NFASC: variants seen among roughly 807,000 people sequenced by gnomAD.
The protein encoded by NFASC is neurofascin.
Under a neutral mutation model 147.5 loss-of-function variants are expected in NFASC, and 43 were observed. The observed-to-expected ratio is 0.29, with a 90% CI of 0.23 to 0.38. The LOEUF is 0.38. Among genes scored for constraint, NFASC ranks in the 10% least tolerant of loss-of-function variants. The pLI is 1.00. For missense variants in NFASC, 1,320 were observed against 1,689.0 expected, an observed-to-expected ratio of 0.78 and a Z score of 3.83; for synonymous variants, 622 against 665.5, an observed-to-expected ratio of 0.93 and a Z score of 1.01.
intron 7 of NFASC, among the ~76,000 whole-genome samples, chr1:204,956,320 C>T (rs899203759): frequency 1.3e-5 from 2 of 152,234 alleles, no homozygotes; most frequent in African/African-American, 4.8e-5. Context: ...CTTTCCCTGG[C>T]ACCCAGTCCC....
At chr1:204,977,024 T>C in intron 16 of NFASC, 1 of 1,299,478 alleles carries the variant, frequency 7.7e-7, no homozygotes, top group South Asian at 2.5e-5. Context: ...TCCCCACGTC[T>C]CAACTGAAAG....
Position 204,954,728 on chromosome 1 carries a change from C to T in NFASC, c.413-101C>T. The T allele has an allele frequency of 1.5e-6, 2 of 1,369,288 alleles. No homozygotes were observed. The highest frequency in any genetic ancestry group is 2.0e-6 in the Non-Finnish European group (2 of 980,230). 84.8% of individuals were successfully genotyped at this position (1,369,288 alleles called of 1,614,324 possible). On this transcript the variant is annotated intron_variant, in intron 6 of 29. Transcript: ENST00000339876. The surrounding 1 kb of genome is among the most constrained non-coding windows in gnomAD (Gnocchi z 5.7). ...TCTTGCTCCCTCCTTCTCCAGGTGC[C>T]CCTTCTGTTTCTCCTCCTTGCATGC...
intron 1 of NFASC, among the ~76,000 whole-genome samples, chr1:204,843,346 G>A (rs1339545926): frequency 6.6e-6 from 1 of 152,168 alleles, no homozygotes. Flanking sequence ...GAGATCCTAT[G>A]TACCTTTATG....
chr1:204,905,851 C>G (rs902096596), intron 1 of NFASC, among the ~76,000 whole-genome samples: 1 of 152,124 alleles, frequency 6.6e-6, no homozygotes, highest in African/African-American at 2.4e-5. Flanking sequence ...CAAAACTTTT[C>G]GCAAAGTGGT....
intron 1 of NFASC, among the ~76,000 whole-genome samples, chr1:204,834,531 C>T (rs1457742667): frequency 6.6e-6 from 1 of 152,186 alleles, no homozygotes. Flanking sequence ...TCACCTGCTC[C>T]TCCTCACTCC....
At chr1:204,944,472 G>GGGGGGA in intron 3 of NFASC, 66 bp downstream of exon 3, 3 of 402,574 alleles carry the variant, frequency 7.5e-6, no homozygotes, top group East Asian at 6.4e-5. Flanking sequence ...GGAGGGGAGG[G>GGGGGGA]AAGGTCAGAG....
intron 2 of NFASC, among the ~76,000 whole-genome samples, chr1:204,933,966 T>C (rs1411726129): frequency 5.3e-5 from 8 of 151,750 alleles, no homozygotes; most frequent in Non-Finnish European, 1.2e-4. Context: ...GGTGAAACCT[T>C]GTCTCTACTA....
chr1:204,883,771 TCCATAGTCTGG>T (rs771633904), intron 1 of NFASC, among the ~76,000 whole-genome samples: 230 of 152,276 alleles, frequency 1.5e-3, no homozygotes, highest in Middle Eastern at 0.01. Flanking sequence ...CAGGGCAGCT[TCCATAGTCTGG>T]CCATAGAACC....
intron 2 of NFASC, among the ~76,000 whole-genome samples, chr1:204,943,684 A>T (rs1573467773): frequency 6.6e-6 from 1 of 152,336 alleles, no homozygotes; most frequent in Admixed American, 6.5e-5. Flanking sequence ...ATCAAAGGAC[A>T]TCAGTGCGAT....
Position 205,002,604 on chromosome 1 carries a change from A to G in NFASC, c.3145A>G (p.Thr1049Ala). Residue 1049 changes from threonine (T) to alanine (A), a missense_variant, in exon 27 of 30, where the codon ACG becomes GCG. Thr to Ala is a moderately conservative substitution (Grantham distance 58). This residue lies in a region of NFASC where 172 missense variants were observed against 165.8 expected (regional missense o/e 1.04). Coordinates refer to ENST00000339876, the MANE Select transcript of NFASC (RefSeq NM_001005388.3). ...FVVEYIDSNH[T>A]KKTVPVKAQA... ...AGGTTTCTGTTCCCCAGGCAACCAT[A>G]CGAAAAAAACTGTCCCAGTTAAGGC... The G allele has an allele frequency of 4.0e-6, 6 of 1,518,202 alleles. No homozygotes were observed. Among genetic ancestry groups the G allele is most frequent in the Non-Finnish European group, 5.4e-6 (6 of 1,116,540 alleles). 94.0% of individuals were successfully genotyped at this position (1,518,202 alleles called of 1,614,324 possible).
intron 1 of NFASC, among the ~76,000 whole-genome samples, chr1:204,920,431 T>A (rs1319686773): frequency 7.1e-6 from 1 of 141,192 alleles, no homozygotes; most frequent in Admixed American, 7.8e-5. Context: ...TCTGTCCTTT[T>A]TTTTTTTTTT....
chr1:204,844,445 A>G (rs1330225700), intron 1 of NFASC, among the ~76,000 whole-genome samples: 1 of 152,210 alleles, frequency 6.6e-6, no homozygotes, highest in Non-Finnish European at 1.5e-5. Context: ...TGAGCCTCAA[A>G]TAAGTGCTTA....
At chr1:204,851,732 A>T (rs576571143) in intron 1 of NFASC, among the ~76,000 whole-genome samples, 3 of 152,358 alleles carry the variant, frequency 2.0e-5, no homozygotes, top group Non-Finnish European at 4.4e-5. Context: ...TGCATATAAC[A>T]ATCAACATTA....
intron 1 of NFASC, among the ~76,000 whole-genome samples, chr1:204,834,197 G>A (rs1036382535): frequency 6.9e-5 from 10 of 145,714 alleles, no homozygotes; most frequent in African/African-American, 2.3e-4. Flanking sequence ...GGTCCATGCC[G>A]CAAAGTCTTA....
chr1:204,961,816 C>G (rs771444952), intron 8 of NFASC, among the ~76,000 whole-genome samples: 13 of 152,204 alleles, frequency 8.5e-5, no homozygotes, highest in Non-Finnish European at 4.4e-5. Context: ...ATAGCAGGAC[C>G]AATTAATTAA....
intron 27 of NFASC, chr1:205,008,376 T>C (rs1396807095): frequency 6.5e-6 from 1 of 152,740 alleles, no homozygotes; most frequent in Non-Finnish European, 1.5e-5. Flanking sequence ...GCTCAGTGCC[T>C]TGGCGCCAGC....
intron 8 of NFASC, among the ~76,000 whole-genome samples, chr1:204,959,645 C>T (rs144200716): frequency 4.6e-4 from 70 of 152,342 alleles, no homozygotes; most frequent in Non-Finnish European, 8.1e-4. Flanking sequence ...GCCCAGACGA[C>T]GCTAGAAATC....
intron 7 of NFASC, among the ~76,000 whole-genome samples, chr1:204,956,007 G>A (rs758976887): frequency 7.2e-5 from 11 of 152,162 alleles, no homozygotes; most frequent in Non-Finnish European, 1.3e-4. Flanking sequence ...CTGGCCACAG[G>A]CTGCTGGCCT....
At chr1:204,858,888 C>G (rs935920786) in intron 1 of NFASC, among the ~76,000 whole-genome samples, 1 of 152,110 alleles carries the variant, frequency 6.6e-6, no homozygotes, top group Non-Finnish European at 1.5e-5. Flanking sequence ...AGGCATCTTG[C>G]TTTAGTGGAA....
Sources: allele counts gnomAD v4.1 joint callset (sites outside exome capture counted in the v4.1 genomes callset), GRCh38; gene constraint gnomAD v4.1.1; regional missense constraint gnomAD v4.1.1; non-coding constraint Gnocchi (gnomAD v3.1); transcripts MANE v1.5; gene names NCBI Gene and HGNC (gene_info 2026-07-23, HGNC 2026-07-21).